The following TAFA4 variants were observed in gnomAD, a reference collection of about 807,000 sequenced individuals.
TAFA4 encodes the protein chemokine-like protein TAFA-4.
In TAFA4, 20 loss-of-function variants were observed where a neutral mutation model predicts 21.1. The observed-to-expected ratio is 0.95, with a 90% CI of 0.67 to 1.38. The LOEUF (loss-of-function observed/expected upper bound fraction) is 1.38, where lower values mean the gene tolerates loss of function less well. Among genes scored for constraint, TAFA4 ranks in the 40% most tolerant of loss-of-function variants. The pLI is 0.00. For missense variants in TAFA4, 211 were observed against 180.9 expected, an observed-to-expected ratio of 1.17 and a Z score of -0.95; for synonymous variants, 71 against 67.4, an observed-to-expected ratio of 1.05 and a Z score of -0.26.
chr3:68,750,593 G>A (rs897398161), intron 4 of TAFA4, among the ~76,000 whole-genome samples: 20 of 152,128 alleles, frequency 1.3e-4, no homozygotes, highest in African/African-American at 4.8e-4. Context: ...TTCTAGGGTG[G>A]TGGCCAAAGG....
intron 3 of TAFA4, among the ~76,000 whole-genome samples, chr3:68,798,978 G>C (rs1426617616): frequency 6.6e-6 from 1 of 152,142 alleles, no homozygotes; most frequent in Non-Finnish European, 1.5e-5. Context: ...TTTTATTGTA[G>C]TCCTGGTTTG....
rs1436171686 is a variant in TAFA4 at position 68,862,787 on chromosome 3, A to G, written c.130+17943T>C. Among the ~76,000 whole-genome samples the G allele has an allele frequency of 2.6e-5, 4 of 151,744 alleles. No individual in the cohort carries two copies. In the East Asian group the frequency reaches 7.7e-4, roughly 29 times the overall value. On this transcript the variant is annotated intron_variant, in intron 3 of 5. Transcript: ENST00000295569. Reference sequence around the variant, plus strand: ...CTATCTCAGTGCTACTAAAACCACCACTAGCCACAACTGCTAAGCAATTTG... The same window carrying G: ...CTATCTCAGTGCTACTAAAACCACCGCTAGCCACAACTGCTAAGCAATTTG...
intron 5 of TAFA4, among the ~76,000 whole-genome samples, chr3:68,738,558 G>C (rs538206088): frequency 6.6e-6 from 1 of 152,318 alleles, no homozygotes; most frequent in East Asian, 1.9e-4. Flanking sequence ...GTAACCAACT[G>C]AACATAGGAA....
At chr3:68,819,274 T>TAAA (rs59090610) in intron 3 of TAFA4, among the ~76,000 whole-genome samples, 84 of 109,232 alleles carry the variant, frequency 7.7e-4, no homozygotes, top group Non-Finnish European at 1.3e-3. Context: ...TGTCTTTAAT[T>TAAA]AAAAAAAAAA....
At chr3:68,831,832 A>T (rs1023906902) in intron 3 of TAFA4, among the ~76,000 whole-genome samples, 25 of 152,144 alleles carry the variant, frequency 1.6e-4, no homozygotes, top group African/African-American at 6.0e-4. Flanking sequence ...TTAAATGTAG[A>T]TTTGTTTTTC....
At position 68,739,061 on chromosome 3, in the gene TAFA4, T is replaced by TA; in HGVS notation, c.411+13_411+14insT. ...ATAACTTGTAAATTGTAGTTGCATT[T>TA]TGTCTATACTTGCCTTCGTAGTTTT... On this transcript the variant is annotated intron_variant, in intron 5 of 5. Transcript: ENST00000295569. The TA allele has an allele frequency of 6.2e-7, 1 of 1,610,988 alleles. No individual in the cohort carries two copies. The highest frequency in any genetic ancestry group is 8.5e-7 in the Non-Finnish European group (1 of 1,179,036).
intron 3 of TAFA4, among the ~76,000 whole-genome samples, chr3:68,871,595 C>T (rs936567308): frequency 2.0e-4 from 30 of 151,972 alleles, no homozygotes; most frequent in African/African-American, 7.2e-4. Flanking sequence ...AGGAAGCAAT[C>T]GGCAAAGTGA....
At chr3:68,852,254 A>G (rs1016452227) in intron 3 of TAFA4, among the ~76,000 whole-genome samples, 1 of 152,114 alleles carries the variant, frequency 6.6e-6, no homozygotes, top group African/African-American at 2.4e-5. Context: ...CCATGCATCT[A>G]AAGGAGGAGT....
chr3:68,912,982 A>G (rs2089973904), intron 1 of TAFA4, among the ~76,000 whole-genome samples: 1 of 152,178 alleles, frequency 6.6e-6, no homozygotes, highest in Non-Finnish European at 1.5e-5. Flanking sequence ...GGGGGTAGGA[A>G]TTCTGCCCCA....
In TAFA4 at chr3:68,752,988, T is replaced by C. The variant is rs1246331241; in HGVS notation, c.161A>G (p.Glu54Gly). 6.2e-7 allele frequency: 1 copy of C among 1,613,532 alleles called. No homozygotes were observed. The highest frequency in any genetic ancestry group is 8.5e-7 in the Non-Finnish European group (1 of 1,179,906). The change falls in exon 4 of 6, where the codon GAG becomes GGG. Residue 54 changes from glutamate to glycine, a missense_variant. Coordinates refer to ENST00000295569, the MANE Select transcript of TAFA4 (RefSeq NM_182522.5). The stretch of plus-strand genomic sequence containing the variant: ...GCAGCACCTGTGCACGGCGACCACC[T>C]CACAGGTCCCTTGCTTGATTTGGTG... ...GHHQIKQGTC[E>G]VVAVHRCCNK... is the part of the protein sequence containing the mutation.
intron 3 of TAFA4, among the ~76,000 whole-genome samples, chr3:68,862,161 G>A (rs924291275): frequency 1.3e-5 from 2 of 151,898 alleles, no homozygotes; most frequent in Non-Finnish European, 2.9e-5. Context: ...GGCCACCACC[G>A]ACACTTAACA....
intron 3 of TAFA4, among the ~76,000 whole-genome samples, chr3:68,843,667 T>C (rs1704721012): frequency 6.6e-6 from 1 of 152,236 alleles, no homozygotes; most frequent in South Asian, 2.1e-4. Context: ...CATAAATAGC[T>C]CTTATTATTT....
intron 1 of TAFA4, among the ~76,000 whole-genome samples, chr3:68,931,107 T>G (rs895618092): frequency 2.0e-5 from 3 of 152,122 alleles, no homozygotes; most frequent in Non-Finnish European, 2.9e-5. Flanking sequence ...TGGACAAGCT[T>G]TATGCCAAGG....
chr3:68,769,765 C>T (rs1702919320), intron 3 of TAFA4, among the ~76,000 whole-genome samples: 1 of 152,128 alleles, frequency 6.6e-6, no homozygotes, highest in South Asian at 2.1e-4. Flanking sequence ...GTAGCATCCT[C>T]ATAATATTTA....
intron 3 of TAFA4, among the ~76,000 whole-genome samples, chr3:68,775,237 G>C (rs1220643730): frequency 6.6e-6 from 1 of 152,110 alleles, no homozygotes; most frequent in East Asian, 1.9e-4. Context: ...TCCTCCACTG[G>C]GTGCTCATGA....
chr3:68,885,711 A>G (rs183055657), intron 1 of TAFA4, among the ~76,000 whole-genome samples: 1 of 152,344 alleles, frequency 6.6e-6, no homozygotes, highest in Admixed American at 6.5e-5. Flanking sequence ...GGAGCAGTGG[A>G]AAAGCCAGCA....
chr3:68,919,223 T>A (rs1413489866), intron 1 of TAFA4, among the ~76,000 whole-genome samples: 1 of 152,190 alleles, frequency 6.6e-6, no homozygotes, highest in Non-Finnish European at 1.5e-5. Flanking sequence ...TACATAGCCA[T>A]CAATTCACTT....
At chr3:68,914,221 CAT>C (rs1370072244) in intron 1 of TAFA4, among the ~76,000 whole-genome samples, 1 of 152,106 alleles carries the variant, frequency 6.6e-6, no homozygotes, top group Non-Finnish European at 1.5e-5. Flanking sequence ...TAACAGCAGA[CAT>C]AGAGTTGGGC....
intron 3 of TAFA4, among the ~76,000 whole-genome samples, chr3:68,845,563 G>A (rs1704768240): frequency 1.3e-5 from 2 of 152,170 alleles, no homozygotes; most frequent in African/African-American, 2.4e-5. Flanking sequence ...CTGTCATTAT[G>A]ATGCTAGCTG....
Sources: allele counts gnomAD v4.1 joint callset (sites outside exome capture counted in the v4.1 genomes callset), GRCh38; gene constraint gnomAD v4.1.1; transcripts MANE v1.5; gene names NCBI Gene and HGNC (gene_info 2026-07-23, HGNC 2026-07-21).